KIF26A: variants seen among roughly 807,000 people sequenced by gnomAD.
KIF26A encodes kinesin family member 26A, also known as kinesin-like protein KIF26A.
KIF26A carries 74 observed loss-of-function variants against 126.0 expected under a neutral mutation model. The observed-to-expected ratio is 0.59, with a 90% CI of 0.49 to 0.71. The LOEUF (loss-of-function observed/expected upper bound fraction) is 0.71, where lower values mean the gene tolerates loss of function less well. KIF26A is among the 30% of genes least tolerant of loss of function. The pLI is 0.00. For missense variants in KIF26A, 2,984 were observed against 2,763.3 expected (o/e 1.08, Z -1.79); for synonymous variants, 1,445 against 1,232.7 (o/e 1.17, Z -3.61).
At chr14:104,174,391 G>A in intron 11 of KIF26A, 81 bp downstream of exon 11, 2 of 1,366,864 alleles carry the variant, frequency 1.5e-6, no homozygotes, top group Non-Finnish European at 1.9e-6. Context: ...GGCCTGGTTG[G>A]GGTGGGGGTC....
At chr14:104,170,861 G>C (rs1347164987) in intron 5 of KIF26A, among the ~76,000 whole-genome samples, 1 of 152,256 alleles carries the variant, frequency 6.6e-6, no homozygotes, top group Admixed American at 6.5e-5. Context: ...ACTGGGGCTG[G>C]TGTCAGGGTC....
intron 14 of KIF26A, 26 bp from the exon 15 acceptor site, chr14:104,179,582 GC>G: frequency 6.7e-7 from 1 of 1,485,154 alleles, no homozygotes. Flanking sequence ...TGACGCAGGT[GC>G]CCCTCCCCTC....
Position 104,177,251 on chromosome 14 carries a change from TG to T in KIF26A, c.4468del (p.Ala1490ProfsTer14). 2 of 1,596,748 alleles carry T rather than the reference TG, an allele frequency of 1.3e-6. No homozygotes were observed. The highest frequency in any genetic ancestry group is 8.5e-7 in the Non-Finnish European group (1 of 1,175,256). ...PACRSGAAKA[V>X]GAPKPPVGGG... ...TGTAGGAGCGGCGCAGCCAAGGCTG[TG>T]GGGGCCCCCAAGCCCCCTGTTGGTG... On this transcript the variant is annotated frameshift_variant, in exon 12 of 15. Transcript: ENST00000423312. LOFTEE classifies it high-confidence loss of function.
chr14:104,162,115 C>T (rs866002432), intron 4 of KIF26A, among the ~76,000 whole-genome samples: 3 of 152,182 alleles, frequency 2.0e-5, no homozygotes, highest in Non-Finnish European at 2.9e-5. Flanking sequence ...AGAAAGTGCT[C>T]GTTCTGGGGC....
Position 104,177,158 on chromosome 14 carries a change from G to A in KIF26A, c.4370G>A (p.Arg1457Gln), listed in dbSNP as rs1015892657. ...AGCAAGGGCCGGGAAGCCCCTGGGCGGCCTCCCCGGGCTGTACCCAAGCTG... is the reference window on the plus strand; with the variant it reads ...AGCAAGGGCCGGGAAGCCCCTGGGCAGCCTCCCCGGGCTGTACCCAAGCTG... ...SSSKGREAPG[R>Q]PPRAVPKLGV... The change falls in exon 12 of 15, where the codon CGG (arginine) becomes CAG (glutamine). Residue 1457 changes from arginine (R) to glutamine (Q), a missense_variant. Physicochemically the swap from Arg to Gln is conservative, Grantham distance 43. Transcript: ENST00000423312. 3.8e-6 allele frequency: 6 copies of A among 1,597,422 alleles called. No individual in the cohort carries two copies. Among genetic ancestry groups the A allele is most frequent in the Admixed American group, 1.7e-5 (1 of 59,910 alleles).
At chr14:104,156,438 G>A in intron 3 of KIF26A, among the ~76,000 whole-genome samples, 2 of 147,478 alleles carry the variant, frequency 1.4e-5, no homozygotes, top group South Asian at 2.2e-4. Context: ...TTCTGCTACT[G>A]GGCATTCCTT....
rs1425324319 is a variant in KIF26A, at chr14:104,152,396, C to A, written c.670C>A (p.Gln224Lys). 2.5e-6 allele frequency: 4 copies of A among 1,598,686 alleles called. No homozygotes were observed. Among genetic ancestry groups the A allele is most frequent in the Admixed American group, 3.4e-5 (2 of 58,172 alleles). The change falls in exon 3 of 15, where the codon CAG (glutamine) becomes AAG (lysine). Residue 224 changes from glutamine (Q) to lysine (K), a missense_variant. By Grantham distance (53) the Gln-to-Lys change is moderately conservative (BLOSUM62 1). Transcript: ENST00000423312. This position sits in a 1 kb window ranked among gnomAD's most constrained non-coding sequence, Gnocchi z 5.9. ...GALSTVTIQA[Q>K]QCLEGMWSVS... ...GCTGAGCACGGTCACCATCCAGGCCCAGCAGTGCCTGGAGGGCATGTGGAG... is the reference window on the plus strand; with the variant it reads ...GCTGAGCACGGTCACCATCCAGGCCAAGCAGTGCCTGGAGGGCATGTGGAG...
At position 104,173,463 on chromosome 14, in the gene KIF26A, T is replaced by C; in HGVS notation, c.1817T>C (p.Phe606Ser). 5.0e-6 allele frequency: 8 copies of C among 1,589,092 alleles called. No individual in the cohort carries two copies. The highest frequency in any genetic ancestry group is 6.0e-6 in the Non-Finnish European group (7 of 1,165,644). Residue 606 changes from phenylalanine (F) to serine (S), a missense_variant, in exon 9 of 15, where the codon TTC becomes TCC. By Grantham distance (155) the Phe-to-Ser change is radical (BLOSUM62 -2). Transcript: ENST00000423312. ...EDARRSSHML[F>S]TLHVYQYRME... ...GCCCGACGCAGCTCCCACATGTTGT[T>C]CACGCTGCACGTCTACCAGTACCGC... is the stretch of plus-strand genomic sequence containing the variant.
intron 11 of KIF26A, 117 bp downstream of exon 11, chr14:104,174,427 A>G: frequency 9.4e-7 from 1 of 1,066,326 alleles, no homozygotes; most frequent in Non-Finnish European, 1.3e-6. Flanking sequence ...GCCTGGGTAG[A>G]TGTCCTATGT....
At chr14:104,139,393 T>C (rs1274301077) in intron 2 of KIF26A, 105 bp downstream of exon 2, 2 of 1,286,964 alleles carry the variant, frequency 1.6e-6, no homozygotes, top group Non-Finnish European at 2.0e-6. Context: ...TCCCTGCTGC[T>C]GTTTCCACAA....
chr14:104,169,292 GC>G (rs2037935423), intron 5 of KIF26A, among the ~76,000 whole-genome samples: 1 of 152,262 alleles, frequency 6.6e-6, no homozygotes, highest in African/African-American at 2.4e-5. Context: ...CTGGCACTCA[GC>G]CTGTTTGTGC....
chr14:104,166,765 G>A, intron 4 of KIF26A, 94 bp from the exon 5 acceptor site: 1 of 1,207,230 alleles, frequency 8.3e-7, no homozygotes. Context: ...GGCTGATGAA[G>A]TCCCAGGGTG....
intron 9 of KIF26A, 70 bp downstream of exon 9, chr14:104,173,583 T>G: frequency 1.3e-6 from 2 of 1,501,084 alleles, no homozygotes; most frequent in Non-Finnish European, 1.8e-6. Flanking sequence ...CACAGGGGCC[T>G]GTCATCCAGT....
intron 2 of KIF26A, among the ~76,000 whole-genome samples, chr14:104,149,345 C>T (rs1325762093): frequency 6.6e-6 from 1 of 152,184 alleles, no homozygotes; most frequent in Non-Finnish European, 1.5e-5. Context: ...TGGGCTTTCG[C>T]TGTGGGGCCC....
At position 104,176,645 on chromosome 14, in the gene KIF26A, G is replaced by A; in HGVS notation, c.3857G>A (p.Gly1286Glu). The A allele has an allele frequency of 6.2e-7, 1 of 1,602,846 alleles. No homozygotes were observed. The highest frequency in any genetic ancestry group is 8.5e-7 in the Non-Finnish European group (1 of 1,174,620). ...MLACAQRVVD[G>E]CEVAARAARR... ...GCCTGTGCCCAGAGAGTGGTGGACG[G>A]GTGTGAGGTGGCAGCCAGGGCGGCC... is the stretch of plus-strand genomic sequence containing the variant. Residue 1286 changes from glycine (G) to glutamate (E), a missense_variant, in exon 12 of 15, where the codon GGG becomes GAG. Physicochemically the swap from Gly to Glu is moderately conservative, Grantham distance 98 (BLOSUM62 -2). Transcript: ENST00000423312.
chr14:104,172,057 C>A, intron 6 of KIF26A, 122 bp downstream of exon 6: 1 of 955,158 alleles, frequency 1.0e-6, no homozygotes, highest in Non-Finnish European at 1.5e-6. Flanking sequence ...AGCGAGGGGC[C>A]CGCTGCCTGC....
chr14:104,141,390 T>G (rs994968457), intron 2 of KIF26A, among the ~76,000 whole-genome samples: 1 of 152,262 alleles, frequency 6.6e-6, no homozygotes, highest in African/African-American at 2.4e-5. Context: ...TACAGGGAAC[T>G]TCACAATCAT....
At chr14:104,159,570 G>T (rs1409802559) in intron 4 of KIF26A, among the ~76,000 whole-genome samples, 1 of 152,230 alleles carries the variant, frequency 6.6e-6, no homozygotes, top group African/African-American at 2.4e-5. Flanking sequence ...CGAGGCCGGT[G>T]CCGCTTGCCA....
chr14:104,145,575 A>C (rs1032457185), intron 2 of KIF26A, among the ~76,000 whole-genome samples: 1 of 152,006 alleles, frequency 6.6e-6, no homozygotes, highest in African/African-American at 2.4e-5. Context: ...CTCTGACCCC[A>C]TGTGATGGGT....
Sources: allele counts gnomAD v4.1 joint callset (sites outside exome capture counted in the v4.1 genomes callset), GRCh38; gene constraint gnomAD v4.1.1; non-coding constraint Gnocchi (gnomAD v3.1); transcripts MANE v1.5; gene names NCBI Gene and HGNC (gene_info 2026-07-23, HGNC 2026-07-21).